MED16: variants seen among roughly 807,000 people sequenced by gnomAD.
The protein encoded by MED16 is mediator of RNA polymerase II transcription subunit 16.
A neutral mutation model predicts 84.4 loss-of-function variants in MED16; 81 were observed. That is an observed-to-expected ratio of 0.96 (90% CI 0.80 to 1.15). The LOEUF is 1.15. Ranked by LOEUF, MED16 falls within the 50% of genes most tolerant of loss-of-function variation. MED16 has a pLI of 0.00. For synonymous variants in MED16, 897 were observed against 552.2 expected (o/e 1.62, Z -8.76); for missense variants, 1,585 against 1,245.9 (o/e 1.27, Z -4.10).
In MED16 at chr19:885,827, CTTGCGG is replaced by C; in HGVS notation, c.816_821del (p.Asn272_Arg273del). 6.2e-7 allele frequency: 1 copy of C among 1,613,564 alleles called. No individual in the cohort carries two copies. The highest frequency in any genetic ancestry group is 8.5e-7 in the Non-Finnish European group (1 of 1,179,976). ...GGTGGGTGATGGCGGGAAACTTGTC[CTTGCGG>C]TTGAGGTCGGTGGTGCAGCGCATGA... On this transcript the variant is annotated inframe_deletion, in exon 5 of 16. Transcript: ENST00000325464.
chr19:889,851 A>T (rs763320958), intron 3 of MED16, 44 bp from the exon 4 acceptor site: 49 of 1,570,714 alleles, frequency 3.1e-5, no homozygotes, highest in Middle Eastern at 2.0e-4. Flanking sequence ...AGGGATGGGC[A>T]GAGCACTGCG....
chr19:871,101 G>A lies in MED16; in HGVS notation c.2251C>T (p.Gln751Ter). Residue 751 changes from glutamine (Q) to a stop codon, truncating the protein, a stop_gained, in exon 13 of 16, where the codon CAG (glutamine) becomes TAG (stop). Transcript: ENST00000325464. LOFTEE classifies it high-confidence loss of function. The part of the protein sequence containing the change: ...RLQPKQPLRL[Q>*]FGRAPTLPGS... ...GGCAGCGTGGGCGCCCGGCCAAACT[G>A]CAGACGAAGGGGCTGCTTGGGCTGC... The A allele has an allele frequency of 6.5e-7, 1 of 1,548,558 alleles. No homozygotes were observed. Among genetic ancestry groups the A allele is most frequent in the Non-Finnish European group, 8.7e-7 (1 of 1,145,874 alleles).
At chr19:889,056 C>CT (rs1340851348) in intron 4 of MED16, among the ~76,000 whole-genome samples, 1 of 146,554 alleles carries the variant, frequency 6.8e-6, no homozygotes, top group Non-Finnish European at 1.5e-5. Context: ...AACTGTCCCC[C>CT]CCAACCCTGG....
chr19:879,951 C>G lies in MED16; in HGVS notation c.1339G>C (p.Asp447His), dbSNP rs1401104410. ...CAGCAGCTCACCTTCCCGTGGCTGTCAATCCCCACCAGGGCCAGTGACGTC... is the reference window on the plus strand; with the variant it reads ...CAGCAGCTCACCTTCCCGTGGCTGTGAATCCCCACCAGGGCCAGTGACGTC... ...SWTSLALVGI[D>H]SHGKLSVLRL... The change falls in exon 8 of 16, where the codon GAC becomes CAC. Residue 447 changes from aspartate (D) to histidine (H), a missense_variant. Coordinates refer to ENST00000325464, the MANE Select transcript of MED16 (RefSeq NM_005481.3). 6.2e-7 allele frequency: 1 copy of G among 1,603,916 alleles called. No homozygotes were observed. Among genetic ancestry groups the G allele is most frequent in the Admixed American group, 1.7e-5 (1 of 57,946 alleles).
At chr19:869,236 C>G (rs1306539633) in intron 13 of MED16, among the ~76,000 whole-genome samples, 1 of 152,112 alleles carries the variant, frequency 6.6e-6, no homozygotes, top group Admixed American at 6.5e-5. Flanking sequence ...GGACGAGGGT[C>G]GGTCCGCCAC....
chr19:878,089 C>T (rs2036304161), intron 8 of MED16, among the ~76,000 whole-genome samples: 1 of 143,970 alleles, frequency 6.9e-6, no homozygotes, highest in Non-Finnish European at 1.5e-5. Flanking sequence ...CCCCCAGCCC[C>T]AGCCCCAGCG....
chr19:868,649 T>C (rs921257973), intron 14 of MED16, 150 bp from the exon 15 acceptor site: 6 of 1,196,452 alleles, frequency 5.0e-6, no homozygotes, highest in East Asian at 2.5e-5. Context: ...CCTCTGCCCA[T>C]GCTTCTCCTC....
intron 6 of MED16, 34 bp from the exon 7 acceptor site, chr19:881,748 A>T (rs754266554): frequency 1.2e-6 from 2 of 1,601,578 alleles, no homozygotes; most frequent in South Asian, 1.1e-5. Context: ...CAGGAAGGCA[A>T]TGGAGTAAAG....
chr19:890,582 C>T (rs941817326), intron 2 of MED16, among the ~76,000 whole-genome samples: 4 of 152,194 alleles, frequency 2.6e-5, no homozygotes, highest in Non-Finnish European at 2.9e-5. Context: ...CTAATGACCA[C>T]GTATTATGAG....
rs1442814109 is a variant in MED16 at position 872,082 on chromosome 19, C to T, written c.1942G>A (p.Asp648Asn). Residue 648 changes from aspartate to asparagine, a missense_variant, in exon 12 of 16, where the codon GAC becomes AAC. Coordinates refer to ENST00000325464, the MANE Select transcript of MED16 (RefSeq NM_005481.3). The stretch of plus-strand genomic sequence containing the variant: ...CGAAGCATGCCCAGCGAGGTGCCGT[C>T]CCGCAGAAAGCTGTGGCCCGGCCTC... ...LLRPGHSFLRDGTSLGMLREL... is the reference protein window; with the variant it reads ...LLRPGHSFLRNGTSLGMLREL... 1.2e-6 allele frequency: 2 copies of T among 1,608,938 alleles called. No individual in the cohort carries two copies. Among genetic ancestry groups the T allele is most frequent in the Non-Finnish European group, 8.5e-7 (1 of 1,177,942 alleles).
At position 867,967 on chromosome 19, in the gene MED16, C is replaced by T. The variant is rs929051712; in HGVS notation, c.*134G>A. 7.4e-5 allele frequency: 91 copies of T among 1,228,056 alleles called. 1 individual carries two copies. The African/African-American group carries it at 7.6e-4, about 10-fold the overall frequency. 76.1% of individuals were successfully genotyped at this position (1,228,056 alleles called of 1,614,324 possible). A position where few individuals can be genotyped will look rare whatever the true frequency, so the allele number is the denominator to read the frequency against. On this transcript the variant is annotated 3_prime_UTR_variant, in exon 16 of 16. Transcript: ENST00000325464. ...CCGACGGCAGGGACGCGGGCCTGGG[C>T]GCAGAGGGCGTTTATTGGACCTGTC... is the stretch of plus-strand genomic sequence containing the variant.
rs561530252 is a variant in MED16 at position 885,068 on chromosome 19, C to T, written c.880-60G>A. ...ACTGCTGTGGTGGCCACGCCACCAC[C>T]GGAGCCTGAGCTGCGGGACCCTGGG... On this transcript the variant is annotated intron_variant, in intron 5 of 15. Transcript: ENST00000325464. The T allele has an allele frequency of 4.0e-4, 535 of 1,346,456 alleles. 10 individuals carry two copies. The South Asian group carries it at 4.1e-3, about 10-fold the overall frequency. The allele number at this position is 1,346,456 out of a possible 1,614,324, so 83.4% of individuals were successfully genotyped here. A position where few individuals can be genotyped will look rare whatever the true frequency, so the allele number is the denominator to read the frequency against.
Position 887,128 on chromosome 19 carries a change from A to C in MED16, c.448-927T>G, listed in dbSNP as rs2930902. Reference sequence around the variant, plus strand: ...GAAAAATGTCTCTACGTTGTGAAAAAATGCGAGGAAGAGAAGTGTATCATA... The same window carrying C: ...GAAAAATGTCTCTACGTTGTGAAAACATGCGAGGAAGAGAAGTGTATCATA... On this transcript the variant is annotated intron_variant, in intron 4 of 15. Coordinates refer to ENST00000325464, the MANE Select transcript of MED16 (RefSeq NM_005481.3). 1.2e-4 allele frequency among the ~76,000 whole-genome samples: 18 copies of C among 152,218 alleles called. No individual in the cohort carries two copies. In the East Asian group the frequency reaches 3.1e-3, roughly 26 times the overall value.
At chr19:887,372 A>G (rs1411662518) in intron 4 of MED16, among the ~76,000 whole-genome samples, 5 of 152,100 alleles carry the variant, frequency 3.3e-5, no homozygotes, top group Non-Finnish European at 7.4e-5. Context: ...AATGTAATTA[A>G]AAAACAAAAA....
chr19:881,602 G>A lies in MED16; in HGVS notation c.1098C>T (p.Thr366=), dbSNP rs142515269. 632 of 1,612,672 alleles carry A rather than the reference G, an allele frequency of 3.9e-4. 2 individuals are homozygous for A. Among genetic ancestry groups the A allele is most frequent in the African/African-American group, 2.9e-3 (214 of 75,056 alleles). The change falls in exon 7 of 16, where the codon ACC becomes ACT. Residue 366 remains threonine (T), a synonymous_variant. Coordinates refer to ENST00000325464, the MANE Select transcript of MED16 (RefSeq NM_005481.3). The part of the protein sequence containing the change: ...LPKLPISLTN[T]DLKVASDTQF... ...GTGTGTCGCTGGCCACCTTGAGGTCGGTGTTGGTGAGCGAGATGGGCAGCT... is the reference window on the plus strand; with the variant it reads ...GTGTGTCGCTGGCCACCTTGAGGTCAGTGTTGGTGAGCGAGATGGGCAGCT...
rs938851381 is a variant in MED16 at position 876,857 on chromosome 19, G to C, written c.1560+117C>G. On this transcript the variant is annotated intron_variant, in intron 9 of 15. Transcript: ENST00000325464. The stretch of plus-strand genomic sequence containing the variant: ...CCTGCCACAGGGACAGCCCCACCTG[G>C]CACGGGACCACCTGCCACGGGGCCC... 4.0e-4 allele frequency: 346 copies of C among 863,942 alleles called. 2 individuals carry two copies. The highest frequency in any genetic ancestry group is 3.5e-3 in the African/African-American group (182 of 51,682). The allele number at this position is 863,942 out of a possible 1,614,324, so 53.5% of individuals were successfully genotyped here.
intron 1 of MED16, among the ~76,000 whole-genome samples, chr19:891,563 G>A (rs1312380602): frequency 6.6e-6 from 1 of 152,196 alleles, no homozygotes; most frequent in Non-Finnish European, 1.5e-5. Context: ...GGCAAGCGGT[G>A]GGGCGGCTCC....
chr19:886,205 T>C lies in MED16; in HGVS notation c.448-4A>G, dbSNP rs1467610705. 6.0e-6 allele frequency: 9 copies of C among 1,498,476 alleles called. No individual in the cohort carries two copies. The highest frequency in any genetic ancestry group is 8.0e-6 in the Non-Finnish European group (9 of 1,128,614). 92.8% of individuals were successfully genotyped at this position (1,498,476 alleles called of 1,614,324 possible). On this transcript the variant is annotated splice_polypyrimidine_tract_variant and splice_region_variant and intron_variant, in intron 4 of 15. Transcript: ENST00000325464. ...CCCCGAAGCTGGAGGCGCCCGACTGTGGAGAAGGGAGGGAGGGAGGAGGGG... is the reference window on the plus strand; with the variant it reads ...CCCCGAAGCTGGAGGCGCCCGACTGCGGAGAAGGGAGGGAGGGAGGAGGGG...
intron 4 of MED16, among the ~76,000 whole-genome samples, chr19:888,716 G>A (rs1295316427): frequency 6.6e-6 from 1 of 152,174 alleles, no homozygotes; most frequent in African/African-American, 2.4e-5. Context: ...GGGACCGCAG[G>A]GTGGGGAGTG....
Sources: allele counts gnomAD v4.1 joint callset (sites outside exome capture counted in the v4.1 genomes callset), GRCh38; gene constraint gnomAD v4.1.1; transcripts MANE v1.5; gene names NCBI Gene and HGNC (gene_info 2026-07-23, HGNC 2026-07-21).